GAS2: variants seen among roughly 807,000 people sequenced by gnomAD.
GAS2 encodes growth arrest-specific protein 2.
GAS2 carries 20 observed loss-of-function variants against 37.5 expected under a neutral mutation model. The observed-to-expected ratio is 0.53, with a 90% CI of 0.37 to 0.77. The LOEUF is 0.77. GAS2 is among the 30% of genes least tolerant of loss of function. GAS2 has a pLI of 0.00. For synonymous variants in GAS2, 144 were observed against 132.2 expected, an observed-to-expected ratio of 1.09 and a Z score of -0.61; for missense variants, 336 against 373.4, an observed-to-expected ratio of 0.90 and a Z score of 0.82.
At chr11:22,695,114 G>A (rs1245074638) in intron 3 of GAS2, among the ~76,000 whole-genome samples, 4 of 152,108 alleles carry the variant, frequency 2.6e-5, no homozygotes, top group Non-Finnish European at 4.4e-5. Flanking sequence ...GAGGTCAGGA[G>A]TTTGAGACCA....
chr11:22,627,901 T>A (rs1382745893), intron 1 of GAS2, among the ~76,000 whole-genome samples: 3 of 152,078 alleles, frequency 2.0e-5, no homozygotes, highest in African/African-American at 7.2e-5. Context: ...TTTGCAGGTA[T>A]CTGAGTTGAA....
At chr11:22,681,085 T>C (rs979501778) in intron 2 of GAS2, among the ~76,000 whole-genome samples, 1 of 152,216 alleles carries the variant, frequency 6.6e-6, no homozygotes, top group Non-Finnish European at 1.5e-5. Context: ...TAGAATTCTT[T>C]AGAAATTTAA....
rs545802685 is a variant in GAS2, at chr11:22,626,018, C to T, written c.-21+205C>T. The T allele has an allele frequency of 1.9e-4, 124 of 647,412 alleles. No homozygotes were observed. The South Asian group carries it at 2.0e-3, about 11-fold the overall frequency. 40.1% of individuals were successfully genotyped at this position (647,412 alleles called of 1,614,324 possible). A position where few individuals can be genotyped will look rare whatever the true frequency, so the allele number is the denominator to read the frequency against. On this transcript the variant is annotated intron_variant, in intron 1 of 5. Coordinates refer to the GAS2 transcript ENST00000528582. ...ACTTTCGCCACACAAAGAGGTTCTT[C>T]TTAGTGGAGGGAGAGCAGATGTAGG...
At chr11:22,645,845 CTTTT>C (rs71037516) in intron 1 of GAS2, among the ~76,000 whole-genome samples, 4 of 111,436 alleles carry the variant, frequency 3.6e-5, no homozygotes, top group Admixed American at 9.3e-5. Flanking sequence ...CTTTTCTTTT[CTTTT>C]TTTTTTTTTT....
intron 6 of GAS2, among the ~76,000 whole-genome samples, chr11:22,753,088 T>G (rs1565127242): frequency 6.6e-6 from 1 of 152,042 alleles, no homozygotes; most frequent in Non-Finnish European, 1.5e-5. Context: ...TCCATCAACT[T>G]CCTCAGTCTG....
At chr11:22,690,716 G>A (rs977514333) in intron 3 of GAS2, among the ~76,000 whole-genome samples, 1 of 152,106 alleles carries the variant, frequency 6.6e-6, no homozygotes, top group Non-Finnish European at 1.5e-5. Flanking sequence ...ACAGGTTTAA[G>A]GTTAGGTTTT....
In GAS2 at chr11:22,685,781, C is replaced by G. The variant is rs61737410; in HGVS notation, c.259C>G (p.Pro87Ala). The G allele has an allele frequency of 3.4e-3, 5,547 of 1,611,734 alleles. 134 individuals are homozygous for G. In the African/African-American group the frequency reaches 0.064, roughly 19 times the overall value. Residue 87 changes from proline (P) to alanine (A), a missense_variant, in exon 3 of 8, where the codon CCC (proline) becomes GCC (alanine). Transcript: ENST00000454584. ...KFKESMDANKPTKNLPLKKIP... is the reference protein window; with the variant it reads ...KFKESMDANKATKNLPLKKIP... ...CAAGGAGAGCATGGATGCTAACAAG[C>G]CCACAAAGGTAAAAGATCCCAATGC...
chr11:22,766,747 A>T (rs1425447999), intron 7 of GAS2, among the ~76,000 whole-genome samples: 1 of 152,172 alleles, frequency 6.6e-6, no homozygotes. Context: ...TTCCAGAAAC[A>T]AAAATTTATT....
intron 5 of GAS2, among the ~76,000 whole-genome samples, chr11:22,744,605 T>A (rs1291264327): frequency 1.3e-5 from 2 of 151,912 alleles, no homozygotes; most frequent in Non-Finnish European, 2.9e-5. Flanking sequence ...CATCCCTTCA[T>A]GATAAAAAAA....
intron 7 of GAS2, among the ~76,000 whole-genome samples, chr11:22,783,078 G>A (rs911988989): frequency 6.6e-6 from 1 of 152,082 alleles, no homozygotes; most frequent in African/African-American, 2.4e-5. Flanking sequence ...GTGTGTAAAT[G>A]TCCCCTTTTC....
intron 5 of GAS2, among the ~76,000 whole-genome samples, chr11:22,742,685 A>C (rs1853153395): frequency 1.3e-5 from 2 of 152,142 alleles, no homozygotes; most frequent in African/African-American, 4.8e-5. Context: ...AAATCTCCAG[A>C]GAAAGGTTTT....
intron 7 of GAS2, among the ~76,000 whole-genome samples, chr11:22,779,724 AC>A (rs369415836): frequency 2.5e-4 from 36 of 145,252 alleles, no homozygotes; most frequent in Middle Eastern, 3.5e-3. Flanking sequence ...AAAAAAAAAA[AC>A]CAAACAAACA....
At chr11:22,737,081 G>C (rs1381860691) in intron 4 of GAS2, among the ~76,000 whole-genome samples, 1 of 152,040 alleles carries the variant, frequency 6.6e-6, no homozygotes, top group Non-Finnish European at 1.5e-5. Context: ...ACTTGCTAAT[G>C]GTGCATTGGT....
At chr11:22,736,887 G>T (rs1236982691) in intron 4 of GAS2, among the ~76,000 whole-genome samples, 1 of 151,874 alleles carries the variant, frequency 6.6e-6, no homozygotes, top group African/African-American at 2.4e-5. Context: ...CCCACATTTT[G>T]CTTAAAAAAG....
intron 3 of GAS2, among the ~76,000 whole-genome samples, chr11:22,693,235 AT>A (rs1590647758): frequency 2.0e-5 from 3 of 152,220 alleles, no homozygotes; most frequent in Admixed American, 1.3e-4. Flanking sequence ...TGTCAAACAT[AT>A]GCAAACTGAT....
At chr11:22,704,070 C>T (rs1284809464) in intron 3 of GAS2, among the ~76,000 whole-genome samples, 1 of 152,062 alleles carries the variant, frequency 6.6e-6, no homozygotes, top group Non-Finnish European at 1.5e-5. Flanking sequence ...AAGAAAAGAA[C>T]CCTACAATGA....
chr11:22,708,167 A>T (rs1374710401), intron 3 of GAS2, among the ~76,000 whole-genome samples: 1 of 152,192 alleles, frequency 6.6e-6, no homozygotes, highest in Non-Finnish European at 1.5e-5. Flanking sequence ...TATGATGATT[A>T]GGGGACAGAA....
chr11:22,659,474 T>G (rs1848892542), intron 1 of GAS2, among the ~76,000 whole-genome samples: 1 of 152,140 alleles, frequency 6.6e-6, no homozygotes, highest in Non-Finnish European at 1.5e-5. Flanking sequence ...AGAAAAGAGA[T>G]TATTTCTGTG....
At chr11:22,734,277 T>A (rs1389132409) in intron 4 of GAS2, among the ~76,000 whole-genome samples, 3 of 151,822 alleles carry the variant, frequency 2.0e-5, no homozygotes. Flanking sequence ...CAATTGTTAC[T>A]TGAACTTTGT....
Sources: allele counts gnomAD v4.1 joint callset (sites outside exome capture counted in the v4.1 genomes callset), GRCh38; gene constraint gnomAD v4.1.1; transcripts MANE v1.5; gene names NCBI Gene and HGNC (gene_info 2026-07-23, HGNC 2026-07-21).